Variants in MID2 observed in about 807,000 individuals in gnomAD.
MID2 encodes probable E3 ubiquitin-protein ligase MID2.
A neutral mutation model predicts 46.1 loss-of-function variants in MID2; 13 were observed. The ratio of observed to expected loss-of-function variants is 0.28; its 90% confidence interval spans 0.18 to 0.45. The LOEUF (loss-of-function observed/expected upper bound fraction) is 0.45. Among genes scored for constraint, MID2 ranks in the 20% least tolerant of loss-of-function variants. The probability of loss-of-function intolerance (pLI) is 1.00; values close to 1 mark genes in which losing one functional copy is unlikely to be tolerated. For missense variants in MID2, 431 were observed against 575.4 expected, an observed-to-expected ratio of 0.75 and a Z score of 2.57; for synonymous variants, 199 against 212.3, an observed-to-expected ratio of 0.94 and a Z score of 0.55.
chrX:107,907,453 G>A (rs1053486079), intron 5 of MID2, among the ~76,000 whole-genome samples: 10 of 111,876 alleles, frequency 8.9e-5, no homozygotes, highest in African/African-American at 3.3e-4. Context: ...ACACACTTAG[G>A]TCCACATCCA....
rs764267294 is a variant in MID2 at position 107,841,331 on chromosome X, T to C, written c.666T>C (p.Gly222=). Residue 222 remains glycine (G), a synonymous_variant, in exon 2 of 10, where the codon GGT becomes GGC. Coordinates refer to ENST00000262843, the MANE Select transcript of MID2 (RefSeq NM_012216.4). ...TCTGTGCCTTATGCAAACTGGTGGG[T>C]CGTCACCGAGACCATCAGGTCGCAT... ...QLICALCKLV[G]RHRDHQVASL... 1.7e-6 allele frequency: 2 copies of C among 1,206,419 alleles called. No individual in the cohort carries two copies. The highest frequency in any genetic ancestry group is 2.2e-6 in the Non-Finnish European group (2 of 893,419).
At chrX:107,853,112 A>T (rs182441041) in intron 2 of MID2, among the ~76,000 whole-genome samples, 2 of 111,195 alleles carry the variant, frequency 1.8e-5, no homozygotes, top group African/African-American at 6.6e-5. Context: ...TGATTAATCT[A>T]GAGTGAAATG....
intron 5 of MID2, among the ~76,000 whole-genome samples, chrX:107,911,395 A>T (rs1271494061): frequency 9.0e-6 from 1 of 111,395 alleles, no homozygotes; most frequent in East Asian, 2.8e-4. Flanking sequence ...TTTTACTAAG[A>T]TACTTCCTTA....
chrX:107,915,246 G>T (rs1344924616), intron 5 of MID2, among the ~76,000 whole-genome samples: 2 of 112,065 alleles, frequency 1.8e-5, no homozygotes, highest in African/African-American at 3.2e-5. Flanking sequence ...ATAATAAAGT[G>T]AAATATAAAT....
At chrX:107,858,028 A>G (rs1177403097) in intron 3 of MID2, among the ~76,000 whole-genome samples, 1 of 112,028 alleles carries the variant, frequency 8.9e-6, no homozygotes, top group Non-Finnish European at 1.9e-5. Flanking sequence ...CTGCCTCCCT[A>G]TCATGGTTCT....
At chrX:107,900,660 G>T (rs1315702655) in intron 3 of MID2, among the ~76,000 whole-genome samples, 1 of 111,719 alleles carries the variant, frequency 9.0e-6, no homozygotes, top group African/African-American at 3.2e-5. Context: ...AGTCTCATTT[G>T]TTTGGCTTGA....
At chrX:107,880,906 C>T (rs2147849080) in intron 3 of MID2, among the ~76,000 whole-genome samples, 1 of 112,824 alleles carries the variant, frequency 8.9e-6, no homozygotes, top group South Asian at 3.7e-4. Context: ...TCACTGACAT[C>T]GTTTTCTCAC....
At chrX:107,841,424 G>C in intron 2 of MID2, 39 bp downstream of exon 2, 20 of 1,006,074 alleles carry the variant, frequency 2.0e-5, no homozygotes, top group Non-Finnish European at 2.7e-5. Context: ...CAACTTTGTC[G>C]CATAAATGCA....
intron 1 of MID2, among the ~76,000 whole-genome samples, chrX:107,827,237 C>T (rs1287422035): frequency 1.8e-5 from 2 of 111,649 alleles, no homozygotes; most frequent in East Asian, 5.6e-4. Context: ...AATTGAAATC[C>T]TGCAGTCGTT....
intron 2 of MID2, among the ~76,000 whole-genome samples, chrX:107,851,219 G>A (rs951415431): frequency 9.0e-6 from 1 of 110,778 alleles, no homozygotes; most frequent in African/African-American, 3.3e-5. Context: ...TCACCTTATG[G>A]CCAAATTTTT....
chrX:107,859,342 C>T (rs776615224), intron 3 of MID2, among the ~76,000 whole-genome samples: 29 of 111,756 alleles, frequency 2.6e-4, no homozygotes, highest in African/African-American at 8.8e-4. Context: ...GTGGAGCCCT[C>T]TTTAAGGAGC....
At chrX:107,855,816 A>T (rs1602467596) in intron 3 of MID2, among the ~76,000 whole-genome samples, 1 of 111,931 alleles carries the variant, frequency 8.9e-6, no homozygotes, top group South Asian at 3.8e-4. Context: ...TAGAAATTTA[A>T]TCCCTGCTGG....
At chrX:107,905,451 T>C in intron 4 of MID2, 27 bp from the exon 5 acceptor site, 1 of 1,159,190 alleles carries the variant, frequency 8.6e-7, no homozygotes, top group Non-Finnish European at 1.2e-6. Flanking sequence ...TTTTATCTTA[T>C]TTTTTTCTTT....
intron 3 of MID2, among the ~76,000 whole-genome samples, chrX:107,863,941 T>C (rs999263771): frequency 2.7e-5 from 3 of 112,395 alleles, no homozygotes; most frequent in African/African-American, 9.7e-5. Context: ...TCTCACTTAG[T>C]GTTTATGACA....
intron 1 of MID2, among the ~76,000 whole-genome samples, chrX:107,838,514 G>A (rs1230293633): frequency 1.8e-5 from 2 of 112,164 alleles, no homozygotes; most frequent in Non-Finnish European, 3.8e-5. Context: ...ACAAACATCT[G>A]AATCTACTAA....
intron 3 of MID2, among the ~76,000 whole-genome samples, chrX:107,881,833 G>C (rs1932326999): frequency 8.9e-6 from 1 of 112,286 alleles, no homozygotes; most frequent in Non-Finnish European, 1.9e-5. Context: ...ACAAGCATTA[G>C]ATGAATGATA....
intron 7 of MID2, among the ~76,000 whole-genome samples, 157 bp downstream of exon 7, chrX:107,917,896 A>C (rs2147871952): frequency 9.0e-6 from 1 of 111,505 alleles, no homozygotes; most frequent in South Asian, 3.8e-4. Context: ...CATTTATGTA[A>C]CCCTTAGCCT....
intron 3 of MID2, among the ~76,000 whole-genome samples, chrX:107,873,948 T>A (rs1932134924): frequency 8.9e-6 from 1 of 112,377 alleles, no homozygotes; most frequent in Admixed American, 9.4e-5. Context: ...GTTTTTCCTT[T>A]GCTTAATTTG....
At chrX:107,880,225 C>T (rs1932290566) in intron 3 of MID2, among the ~76,000 whole-genome samples, 1 of 110,284 alleles carries the variant, frequency 9.1e-6, no homozygotes, top group Non-Finnish European at 1.9e-5. Flanking sequence ...CAACCTTGAC[C>T]TCCCTGCAAC....
Sources: gnomAD v4.1 joint callset for allele counts (sites outside exome capture counted in the v4.1 genomes callset) on GRCh38, gnomAD v4.1.1 for gene constraint, MANE v1.5 for transcripts, NCBI Gene and HGNC (gene_info 2026-07-23, HGNC 2026-07-21) for gene names.